MAML3: variants seen among roughly 807,000 people sequenced by gnomAD.
MAML3 encodes mastermind like transcriptional coactivator 3.
A neutral mutation model predicts 101.9 loss-of-function variants in MAML3; 27 were observed. The ratio of observed to expected loss-of-function variants is 0.27; its 90% confidence interval spans 0.20 to 0.37. MAML3 has a LOEUF of 0.37. Ranked by LOEUF, MAML3 falls within the 10% of genes least tolerant of loss-of-function variation. The pLI is 1.00. For synonymous variants in MAML3, 501 were observed against 555.9 expected (o/e 0.90, Z 1.39); for missense variants, 1,316 against 1,444.9 (o/e 0.91, Z 1.45).
chr4:139,980,641 G>C (rs1192706740), intron 1 of MAML3, among the ~76,000 whole-genome samples: 1 of 152,140 alleles, frequency 6.6e-6, no homozygotes. Context: ...GACTCCCGGG[G>C]TATTCATTGT....
At chr4:140,108,337 T>G (rs1728386499) in intron 1 of MAML3, among the ~76,000 whole-genome samples, 1 of 151,956 alleles carries the variant, frequency 6.6e-6, no homozygotes, top group South Asian at 2.1e-4. Context: ...ATGTCTATTA[T>G]GGCACTTAAG....
rs148602452 is a variant in MAML3 at position 139,987,563 on chromosome 4, C to T, written c.469-96596G>A. On this transcript the variant is annotated intron_variant, in intron 1 of 4. Coordinates refer to ENST00000509479, the MANE Select transcript of MAML3 (RefSeq NM_018717.5). ...AGCATGTCAAAATATAAACCTGTTCCTTCTCTTCTTGGGGTGTGGCATCTT... is the reference window on the plus strand; with the variant it reads ...AGCATGTCAAAATATAAACCTGTTCTTTCTCTTCTTGGGGTGTGGCATCTT... Among the ~76,000 whole-genome samples the T allele has an allele frequency of 3.3e-5, 5 of 152,208 alleles. No individual in the cohort carries two copies. The East Asian group carries it at 7.7e-4, about 24-fold the overall frequency.
intron 1 of MAML3, among the ~76,000 whole-genome samples, chr4:139,961,424 G>A (rs1001491348): frequency 2.6e-5 from 4 of 152,146 alleles, no homozygotes; most frequent in East Asian, 3.9e-4. Context: ...CAACAAATAC[G>A]TTCCATTAGA....
rs1225467431 is a variant in MAML3 at position 139,889,961 on chromosome 4, T to A, written c.1475A>T (p.Gln492Leu). 6.4e-7 allele frequency: 1 copy of A among 1,568,204 alleles called. No homozygotes were observed. Among genetic ancestry groups the A allele is most frequent in the Non-Finnish European group, 8.8e-7 (1 of 1,138,930 alleles). The change falls in exon 2 of 5, where the codon CAG becomes CTG. Residue 492 changes from glutamine to leucine, a missense_variant. Coordinates refer to ENST00000509479, the MANE Select transcript of MAML3 (RefSeq NM_018717.5). ...CTGCTGCTGCTGCTGCTGCTGCTGC[T>A]GCTGCTGTTGCTGTTGCTGTTTCTG... ...MQQKQQQQQQ[Q>L]QQQQQQQQQQ...
chr4:139,910,843 G>A (rs1228670249), intron 1 of MAML3, among the ~76,000 whole-genome samples: 1 of 152,152 alleles, frequency 6.6e-6, no homozygotes, highest in Non-Finnish European at 1.5e-5. Context: ...GAAAGTCCGA[G>A]AAGTATAATA....
intron 2 of MAML3, among the ~76,000 whole-genome samples, chr4:139,809,169 T>C (rs1056919566): frequency 2.0e-5 from 3 of 152,222 alleles, no homozygotes; most frequent in Non-Finnish European, 4.4e-5. Context: ...CTGCCTTTTG[T>C]TTTCCCTGTG....
At chr4:140,094,707 G>A (rs144937459) in intron 1 of MAML3, among the ~76,000 whole-genome samples, 27 of 152,204 alleles carry the variant, frequency 1.8e-4, no homozygotes, top group African/African-American at 6.5e-4. Context: ...TCTTCTTCTG[G>A]GCTCTTTGTG....
intron 1 of MAML3, among the ~76,000 whole-genome samples, chr4:139,941,613 G>A (rs1733598502): frequency 6.6e-6 from 1 of 152,066 alleles, no homozygotes; most frequent in African/African-American, 2.4e-5. Context: ...TCTGGGGACA[G>A]TAAGAATGAT....
intron 1 of MAML3, among the ~76,000 whole-genome samples, chr4:139,934,648 C>CTACACATG (rs1733471001): frequency 6.6e-6 from 1 of 152,162 alleles, no homozygotes; most frequent in Non-Finnish European, 1.5e-5. Context: ...GTCTCCACCC[C>CTACACATG]TGACTTTAAA....
chr4:139,729,374 C>T (rs1372348225), intron 3 of MAML3, among the ~76,000 whole-genome samples: 1 of 152,072 alleles, frequency 6.6e-6, no homozygotes, highest in East Asian at 1.9e-4. Flanking sequence ...AATCCTAGCA[C>T]TTTGGGAGGC....
chr4:139,937,735 C>A (rs1733534546), intron 1 of MAML3, among the ~76,000 whole-genome samples: 1 of 152,168 alleles, frequency 6.6e-6, no homozygotes, highest in Non-Finnish European at 1.5e-5. Context: ...AATGCAGAAA[C>A]TCCACTTTTG....
chr4:140,123,302 T>C (rs1728638361), intron 1 of MAML3, among the ~76,000 whole-genome samples: 1 of 152,132 alleles, frequency 6.6e-6, no homozygotes, highest in African/African-American at 2.4e-5. Flanking sequence ...TTGACAATTT[T>C]GGAAAAAGGA....
intron 2 of MAML3, among the ~76,000 whole-genome samples, chr4:139,739,737 A>G (rs1729093833): frequency 6.7e-6 from 1 of 150,202 alleles, no homozygotes; most frequent in Admixed American, 6.6e-5. Context: ...AAAAAAAGAA[A>G]AAAGCAGTTT....
At chr4:140,074,539 C>T (rs531381443) in intron 1 of MAML3, among the ~76,000 whole-genome samples, 1 of 152,188 alleles carries the variant, frequency 6.6e-6, no homozygotes, top group South Asian at 2.1e-4. Flanking sequence ...CTGCACCTGA[C>T]CTCATGACAG....
intron 1 of MAML3, among the ~76,000 whole-genome samples, chr4:139,989,017 G>A (rs888424028): frequency 2.6e-5 from 4 of 152,108 alleles, no homozygotes; most frequent in Non-Finnish European, 4.4e-5. Context: ...TTGATTCCTC[G>A]CAGAGGCAGC....
At chr4:139,778,851 C>A (rs550647867) in intron 2 of MAML3, among the ~76,000 whole-genome samples, 60 of 152,114 alleles carry the variant, frequency 3.9e-4, no homozygotes, top group African/African-American at 1.3e-3. Flanking sequence ...GGTGTGGTGG[C>A]AGGCACCTGT....
intron 2 of MAML3, among the ~76,000 whole-genome samples, chr4:139,847,590 TAGCACTAGGA>T (rs1731472204): frequency 6.6e-6 from 1 of 152,228 alleles, no homozygotes; most frequent in African/African-American, 2.4e-5. Flanking sequence ...GTGCCATTGC[TAGCACTAGGA>T]AGCTGATTGC....
intron 1 of MAML3, among the ~76,000 whole-genome samples, chr4:139,981,358 G>A (rs1267153784): frequency 6.6e-6 from 1 of 152,160 alleles, no homozygotes; most frequent in Non-Finnish European, 1.5e-5. Flanking sequence ...GTTCTATTCT[G>A]AGGTACTAGG....
Position 139,717,043 on chromosome 4 carries a change from ATATATT to A in MAML3, c.*2274_*2279del, listed in dbSNP as rs1285871925. 2 of 152,502 alleles carry A rather than the reference ATATATT, an allele frequency of 1.3e-5. No homozygotes were observed. Among genetic ancestry groups the A allele is most frequent in the Non-Finnish European group, 2.9e-5 (2 of 68,036 alleles). The allele number at this position is 152,502 out of a possible 1,614,324, so 9.4% of individuals were successfully genotyped here. A position where few individuals can be genotyped will look rare whatever the true frequency, so the allele number is the denominator to read the frequency against. On this transcript the variant is annotated 3_prime_UTR_variant, in exon 5 of 5. Transcript: ENST00000509479. ...ACTCTATTTTAAACAAACAGTATAT[ATATATT>A]TATATGTATATTTTTTACAGATAGT...
Sources: allele counts gnomAD v4.1 joint callset (sites outside exome capture counted in the v4.1 genomes callset), GRCh38; gene constraint gnomAD v4.1.1; transcripts MANE v1.5; gene names NCBI Gene and HGNC (gene_info 2026-07-23, HGNC 2026-07-21).